The following MOXD1 variants were observed in gnomAD, a reference collection of about 807,000 sequenced individuals.
MOXD1 encodes the protein DBH-like monooxygenase protein 1.
Under a neutral mutation model 66.6 loss-of-function variants are expected in MOXD1, and 62 were observed. That is an observed-to-expected ratio of 0.93 (90% confidence interval 0.76 to 1.15). The LOEUF is 1.15. Ranked by LOEUF, MOXD1 falls within the 50% of genes most tolerant of loss-of-function variation. MOXD1 has a pLI of 0.00. For missense variants in MOXD1, 847 were observed against 754.6 expected, an observed-to-expected ratio of 1.12 and a Z score of -1.44; for synonymous variants, 303 against 281.9, an observed-to-expected ratio of 1.07 and a Z score of -0.75.
intron 1 of MOXD1, among the ~76,000 whole-genome samples, chr6:132,398,461 C>T (rs1582616938): frequency 6.6e-6 from 1 of 152,084 alleles, no homozygotes; most frequent in African/African-American, 2.4e-5. Context: ...ACTAGGATAG[C>T]AACTTAGGTT....
chr6:132,327,910 C>T, intron 6 of MOXD1, 103 bp downstream of exon 6: 1 of 855,686 alleles, frequency 1.2e-6, no homozygotes, highest in South Asian at 1.6e-5. Flanking sequence ...AGGTTAATTC[C>T]TTCTAACACT....
At chr6:132,322,896 G>A (rs604196) in intron 7 of MOXD1, 26 bp from the exon 8 acceptor site, 633,678 of 1,577,298 alleles carry the variant, frequency 0.4, 138,196 homozygotes, top group African/African-American at 0.81. Flanking sequence ...AGGAAGACCC[G>A]ATTAGCCCAC....
chr6:132,378,875 CTTTTTTTTTTTTTTTTTT>C (rs3038136), intron 1 of MOXD1, among the ~76,000 whole-genome samples: 95 of 41,898 alleles, frequency 2.3e-3, no homozygotes, highest in Middle Eastern at 0.043. Context: ...AACACTTCCT[CTTTTTTTTTTTTTTTTTT>C]TTTTTTTTTT....
At chr6:132,366,867 A>G (rs1426435481) in intron 4 of MOXD1, among the ~76,000 whole-genome samples, 1 of 152,082 alleles carries the variant, frequency 6.6e-6, no homozygotes, top group Non-Finnish European at 1.5e-5. Flanking sequence ...TGGCTATTTC[A>G]TGGCTCTACA....
intron 10 of MOXD1, among the ~76,000 whole-genome samples, chr6:132,300,885 T>C (rs1340547173): frequency 6.6e-6 from 1 of 152,190 alleles, no homozygotes; most frequent in Admixed American, 6.5e-5. Flanking sequence ...TTTAGGCCCC[T>C]GTTCTATAAT....
intron 4 of MOXD1, among the ~76,000 whole-genome samples, chr6:132,364,172 G>A (rs1386818738): frequency 1.3e-5 from 2 of 152,082 alleles, no homozygotes; most frequent in East Asian, 3.9e-4. Flanking sequence ...GTCACCAGTT[G>A]GTTTTTATCC....
chr6:132,346,673 T>C (rs1775674717), intron 4 of MOXD1, among the ~76,000 whole-genome samples: 1 of 152,172 alleles, frequency 6.6e-6, no homozygotes, highest in Non-Finnish European at 1.5e-5. Flanking sequence ...ACAAAATAAA[T>C]TTGCTTTAGA....
Position 132,386,441 on chromosome 6 carries a change from A to AC in MOXD1, c.265-11665_265-11664insG, listed in dbSNP as rs1582609408. Among the ~76,000 whole-genome samples the AC allele has an allele frequency of 1.4e-5, 2 of 146,146 alleles. 1 individual carries two copies. Among genetic ancestry groups the AC allele is most frequent in the African/African-American group, 5.1e-5 (2 of 39,300 alleles). ...AACAAAACAAAACAAAACAAAAAAA[A>AC]AAAACAAAAAAAAAACGGGAAAAGA... On this transcript the variant is annotated intron_variant, in intron 1 of 11. Coordinates refer to ENST00000367963, the MANE Select transcript of MOXD1 (RefSeq NM_015529.4).
chr6:132,363,138 G>A (rs527373844), intron 4 of MOXD1, among the ~76,000 whole-genome samples: 80 of 151,566 alleles, frequency 5.3e-4, no homozygotes, highest in Non-Finnish European at 9.7e-4. Context: ...GGACTCAAAA[G>A]TAGTCCAGCA....
intron 10 of MOXD1, among the ~76,000 whole-genome samples, chr6:132,307,360 T>C (rs1774718095): frequency 6.6e-6 from 1 of 152,120 alleles, no homozygotes; most frequent in Non-Finnish European, 1.5e-5. Context: ...AGCACCCAGA[T>C]TCATAAAACA....
intron 9 of MOXD1, among the ~76,000 whole-genome samples, 164 bp downstream of exon 9, chr6:132,320,465 A>G (rs1775054726): frequency 6.6e-6 from 1 of 152,180 alleles, no homozygotes; most frequent in East Asian, 1.9e-4. Flanking sequence ...GAAGTCTTAG[A>G]AAATGCTAAA....
chr6:132,372,677 G>C lies in MOXD1; in HGVS notation c.594C>G (p.Asn198Lys), dbSNP rs763417235. The C allele has an allele frequency of 9.3e-6, 15 of 1,613,644 alleles. No homozygotes were observed. Among genetic ancestry groups the C allele is most frequent in the Non-Finnish European group, 1.3e-5 (15 of 1,179,732 alleles). ...TTTGGCACCAATATGTTGTATCTTT[G>C]TTTGGGATGGGGACCTGTCTTAATA... ...DLVNQDVPIPNKDTTYWCQMF... is the reference protein window; with the variant it reads ...DLVNQDVPIPKKDTTYWCQMF... The change falls in exon 4 of 12, where the codon AAC becomes AAG. Residue 198 changes from asparagine (N) to lysine (K), a missense_variant. Asn to Lys is a moderately conservative substitution (Grantham distance 94, BLOSUM62 0). Transcript: ENST00000367963.
intron 1 of MOXD1, among the ~76,000 whole-genome samples, chr6:132,386,289 C>A (rs1359306465): frequency 3.4e-5 from 5 of 146,904 alleles, no homozygotes; most frequent in Non-Finnish European, 7.4e-5. Flanking sequence ...GTAGTCCCAG[C>A]TACTTGGGAG....
rs577664195 is a variant in MOXD1 at position 132,313,372 on chromosome 6, A to G, written c.1508+2263T>C. Among the ~76,000 whole-genome samples, 6 of 152,304 alleles carry G rather than the reference A, an allele frequency of 3.9e-5. No individual in the cohort carries two copies. The South Asian group carries it at 1.2e-3, about 32-fold the overall frequency. ...AACCAATTTATGTAAGCATTTTGTT[A>G]TTTGTATTTTATTAGATATAGGCAT... On this transcript the variant is annotated intron_variant, in intron 10 of 11. Transcript: ENST00000367963.
intron 6 of MOXD1, among the ~76,000 whole-genome samples, chr6:132,324,463 CTTTTA>C (rs1365937456): frequency 2.0e-5 from 3 of 152,102 alleles, no homozygotes; most frequent in Admixed American, 6.5e-5. Flanking sequence ...CTTAATAAAA[CTTTTA>C]TTTTATATTG....
intron 4 of MOXD1, among the ~76,000 whole-genome samples, chr6:132,341,899 G>A (rs189332373): frequency 1.8e-4 from 28 of 152,330 alleles, no homozygotes; most frequent in African/African-American, 6.3e-4. Flanking sequence ...CAAAGACTTG[G>A]TTTGGAATCC....
At chr6:132,340,696 G>T (rs2114607304) in intron 4 of MOXD1, among the ~76,000 whole-genome samples, 1 of 139,018 alleles carries the variant, frequency 7.2e-6, no homozygotes, top group Admixed American at 7.6e-5. Flanking sequence ...ACCCAGGCTG[G>T]AGTGCAGTGG....
rs9388984 is a variant in MOXD1, at chr6:132,344,731, C to T, written c.664-16137G>A. Among the ~76,000 whole-genome samples the T allele has an allele frequency of 0.034, 5,209 of 152,204 alleles. 636 individuals are homozygous for T. The East Asian group carries it at 0.44, about 13-fold the overall frequency. ...GCATACTCACAAACCAATCCACACACATTCTCCTATTCTGAACTCATGAAA... is the reference window on the plus strand; with the variant it reads ...GCATACTCACAAACCAATCCACACATATTCTCCTATTCTGAACTCATGAAA... On this transcript the variant is annotated intron_variant, in intron 4 of 11. Coordinates refer to ENST00000367963, the MANE Select transcript of MOXD1 (RefSeq NM_015529.4).
chr6:132,354,241 T>A (rs1775864616), intron 4 of MOXD1, among the ~76,000 whole-genome samples: 1 of 152,240 alleles, frequency 6.6e-6, no homozygotes, highest in South Asian at 2.1e-4. Context: ...TTTTGTCATA[T>A]CACCAGAGTT....
Sources: gnomAD v4.1 joint callset for allele counts (sites outside exome capture counted in the v4.1 genomes callset) on GRCh38, gnomAD v4.1.1 for gene constraint, MANE v1.5 for transcripts, NCBI Gene and HGNC (gene_info 2026-07-23, HGNC 2026-07-21) for gene names.